PARD3: variants seen among roughly 807,000 people sequenced by gnomAD.
The protein encoded by PARD3 is par-3 family cell polarity regulator.
Under a neutral mutation model 155.4 loss-of-function variants are expected in PARD3, and 75 were observed. The observed-to-expected ratio is 0.48, with a 90% CI of 0.40 to 0.58. The LOEUF is 0.58. PARD3 is among the 20% of genes least tolerant of loss of function. The probability of loss-of-function intolerance (pLI) is 0.00; values close to 1 mark genes in which losing one functional copy is unlikely to be tolerated. For missense variants in PARD3, 1,642 were observed against 1,721.7 expected, an observed-to-expected ratio of 0.95 and a Z score of 0.82; for synonymous variants, 576 against 610.5, an observed-to-expected ratio of 0.94 and a Z score of 0.83.
At chr10:34,253,077 T>C (rs1421953513) in intron 22 of PARD3, among the ~76,000 whole-genome samples, 1 of 152,212 alleles carries the variant, frequency 6.6e-6, no homozygotes, top group Non-Finnish European at 1.5e-5. Flanking sequence ...TGCTGGTCTT[T>C]ACAAGAAACT....
At chr10:34,525,943 T>C (rs768125525) in intron 2 of PARD3, among the ~76,000 whole-genome samples, 13 of 151,586 alleles carry the variant, frequency 8.6e-5, no homozygotes, top group Non-Finnish European at 1.5e-4. Context: ...TAGCTGGGCG[T>C]GGTGGCACAC....
intron 2 of PARD3, among the ~76,000 whole-genome samples, chr10:34,533,390 A>G (rs1477654963): frequency 6.6e-6 from 1 of 152,170 alleles, no homozygotes; most frequent in Non-Finnish European, 1.5e-5. Context: ...CAATATATCC[A>G]TGCAACAAAC....
chr10:34,221,947 A>C lies in PARD3; in HGVS notation c.3419+47710T>G, dbSNP rs73268989. Among the ~76,000 whole-genome samples the C allele has an allele frequency of 1.5e-3, 233 of 152,334 alleles. 1 individual carries two copies. The highest frequency in any genetic ancestry group is 5.2e-3 in the African/African-American group (217 of 41,578). On this transcript the variant is annotated intron_variant, in intron 22 of 24. Transcript: ENST00000374788. ...CTAAAGGCTCTTACATTTGCTTTAA[A>C]ACTGACGTTCATCACAACAGTGTGA...
intron 22 of PARD3, among the ~76,000 whole-genome samples, chr10:34,170,562 AGT>A (rs1224539969): frequency 6.6e-6 from 1 of 152,178 alleles, no homozygotes; most frequent in Non-Finnish European, 1.5e-5. Context: ...GTAAGCATAG[AGT>A]GTGTGGGAAG....
At chr10:34,519,820 A>AATAACATAAC (rs59584708) in intron 2 of PARD3, among the ~76,000 whole-genome samples, 15,678 of 133,786 alleles carry the variant, frequency 0.12, 1,021 homozygotes, top group South Asian at 0.14. Flanking sequence ...TCTCAAAATA[A>AATAACATAAC]ATAACATAAC....
intron 16 of PARD3, among the ~76,000 whole-genome samples, chr10:34,339,691 G>T (rs73256774): frequency 0.016 from 2,436 of 152,208 alleles, 74 homozygotes; most frequent in African/African-American, 0.056. Flanking sequence ...CATTTGACAT[G>T]GCCTTCGACA....
At chr10:34,505,036 CA>C (rs1262417378) in intron 3 of PARD3, among the ~76,000 whole-genome samples, 2 of 149,974 alleles carry the variant, frequency 1.3e-5, no homozygotes, top group East Asian at 1.9e-4. Context: ...AAGATAAAAA[CA>C]AAAAAAAAGA....
intron 12 of PARD3, among the ~76,000 whole-genome samples, chr10:34,363,803 G>C (rs1224592831): frequency 3.3e-5 from 5 of 152,158 alleles, no homozygotes; most frequent in Non-Finnish European, 5.9e-5. Context: ...ACATACATGT[G>C]TGTATACCTC....
intron 2 of PARD3, among the ~76,000 whole-genome samples, chr10:34,550,592 A>G (rs2084469908): frequency 6.6e-6 from 1 of 152,226 alleles, no homozygotes; most frequent in Non-Finnish European, 1.5e-5. Context: ...ATTAGAATGC[A>G]AAATAAAAAT....
chr10:34,145,709 TTTCTC>T (rs570990372), intron 22 of PARD3, among the ~76,000 whole-genome samples: 524 of 152,294 alleles, frequency 3.4e-3, no homozygotes, highest in African/African-American at 0.012. Context: ...CCTTAATATT[TTTCTC>T]TTCTCTTAAT....
At chr10:34,546,282 C>T (rs1427547528) in intron 2 of PARD3, among the ~76,000 whole-genome samples, 1 of 151,932 alleles carries the variant, frequency 6.6e-6, no homozygotes, top group Non-Finnish European at 1.5e-5. Context: ...CTTTGGGAGG[C>T]CGAGGTGGGT....
chr10:34,424,016 T>C (rs556462809), intron 5 of PARD3, among the ~76,000 whole-genome samples: 1 of 152,282 alleles, frequency 6.6e-6, no homozygotes, highest in Admixed American at 6.5e-5. Flanking sequence ...TCACCACAGA[T>C]TGAAGATTAA....
intron 2 of PARD3, among the ~76,000 whole-genome samples, chr10:34,518,442 C>T (rs930555546): frequency 6.6e-6 from 1 of 152,030 alleles, no homozygotes; most frequent in Non-Finnish European, 1.5e-5. Context: ...ACATGGTAAG[C>T]CTGGAATGCC....
At position 34,782,616 on chromosome 10, in the gene PARD3, C is replaced by T. The variant is rs185159675; in HGVS notation, c.120+32260G>A. ...TTCCTCTACACATAAAACACTGTTA[C>T]CTCTACCCCAGCAACTTACGGAGAT... On this transcript the variant is annotated intron_variant, in intron 1 of 24. Coordinates refer to ENST00000374788, the MANE Select transcript of PARD3 (RefSeq NM_001184785.2). 3.7e-4 allele frequency among the ~76,000 whole-genome samples: 56 copies of T among 152,320 alleles called. No homozygotes were observed. In the East Asian group the frequency reaches 9.8e-3, roughly 27 times the overall value.
chr10:34,388,325 T>C (rs149536701), intron 7 of PARD3, among the ~76,000 whole-genome samples: 2 of 152,078 alleles, frequency 1.3e-5, no homozygotes, highest in Non-Finnish European at 2.9e-5. Flanking sequence ...GTGAAAATGA[T>C]TGCAAAGGAA....
chr10:34,132,664 C>T (rs186468027), intron 22 of PARD3, among the ~76,000 whole-genome samples: 14 of 152,282 alleles, frequency 9.2e-5, no homozygotes, highest in East Asian at 7.7e-4. Context: ...CTATCAGTGA[C>T]GTGGACGGGA....
intron 22 of PARD3, among the ~76,000 whole-genome samples, chr10:34,156,679 C>A (rs561244411): frequency 2.6e-4 from 40 of 152,280 alleles, no homozygotes; most frequent in African/African-American, 9.4e-4. Context: ...CAAGCCCTCA[C>A]TAAGAGCGCG....
chr10:34,351,465 G>A (rs778826096), intron 14 of PARD3, among the ~76,000 whole-genome samples: 8 of 152,160 alleles, frequency 5.3e-5, no homozygotes, highest in Non-Finnish European at 8.8e-5. Context: ...ATACATTCTG[G>A]AAAATATTAG....
At chr10:34,510,538 C>T (rs1459255025) in intron 3 of PARD3, among the ~76,000 whole-genome samples, 2 of 151,908 alleles carry the variant, frequency 1.3e-5, no homozygotes, top group Non-Finnish European at 2.9e-5. Flanking sequence ...TTGTTTGTTG[C>T]AAAGAAATAA....
Sources: allele counts gnomAD v4.1 joint callset (sites outside exome capture counted in the v4.1 genomes callset), GRCh38; gene constraint gnomAD v4.1.1; transcripts MANE v1.5; gene names NCBI Gene and HGNC (gene_info 2026-07-23, HGNC 2026-07-21).